Variants in CNTNAP2 observed in about 807,000 individuals in gnomAD.
CNTNAP2 encodes the protein contactin-associated protein-like 2.
In CNTNAP2, 98 loss-of-function variants were observed where a neutral mutation model predicts 155.2. That is an observed-to-expected ratio of 0.63 (90% CI 0.54 to 0.75). The LOEUF is 0.75. Ranked by LOEUF, CNTNAP2 falls within the 30% of genes least tolerant of loss-of-function variation. The probability of loss-of-function intolerance (pLI) is 0.00; values close to 1 mark genes in which losing one functional copy is unlikely to be tolerated. For missense variants in CNTNAP2, 1,727 were observed against 1,688.1 expected (o/e 1.02, Z -0.40); for synonymous variants, 651 against 631.2 (o/e 1.03, Z -0.47).
intron 11 of CNTNAP2, among the ~76,000 whole-genome samples, chr7:147,539,786 G>A (rs1209779269): frequency 1.3e-5 from 2 of 152,178 alleles, no homozygotes; most frequent in East Asian, 1.9e-4. Flanking sequence ...GAATTTTAGA[G>A]CTGGAAGCAT....
intron 1 of CNTNAP2, among the ~76,000 whole-genome samples, chr7:146,587,673 C>A (rs1420412897): frequency 6.6e-6 from 1 of 151,180 alleles, no homozygotes; most frequent in Admixed American, 6.6e-5. Context: ...GATTAATTTT[C>A]TTTTTCATTT....
intron 8 of CNTNAP2, among the ~76,000 whole-genome samples, chr7:147,166,755 G>T (rs1262144695): frequency 2.6e-5 from 4 of 151,912 alleles, no homozygotes; most frequent in Non-Finnish European, 5.9e-5. Context: ...GCAGAGTGGG[G>T]GTCACAAGGT....
At chr7:147,829,400 A>G (rs892609877) in intron 13 of CNTNAP2, among the ~76,000 whole-genome samples, 5 of 152,334 alleles carry the variant, frequency 3.3e-5, no homozygotes, top group Admixed American at 2.6e-4. Context: ...TTAAGTGTCA[A>G]TAAGACAGAT....
intron 4 of CNTNAP2, among the ~76,000 whole-genome samples, chr7:147,052,897 T>TA (rs111448969): frequency 3.9e-4 from 59 of 152,030 alleles, no homozygotes; most frequent in Admixed American, 9.8e-4. Flanking sequence ...TTATTAGATT[T>TA]AAAAAAAATA....
In CNTNAP2 at chr7:146,565,508, A is replaced by G. The variant is rs763085776; in HGVS notation, c.98-208763A>G. ...CCACAGTTTCAGAGATAATAAATAT[A>G]TGGGGGTAAGGAACTCACATTGCTA... On this transcript the variant is annotated intron_variant, in intron 1 of 23. Coordinates refer to ENST00000361727, the MANE Select transcript of CNTNAP2 (RefSeq NM_014141.6). Among the ~76,000 whole-genome samples, 151 of 152,108 alleles carry G rather than the reference A, an allele frequency of 9.9e-4. 4 individuals carry two copies. The highest frequency in any genetic ancestry group is 3.2e-4 in the Non-Finnish European group (22 of 68,010).
At chr7:146,428,535 T>C (rs1796126372) in intron 1 of CNTNAP2, among the ~76,000 whole-genome samples, 1 of 152,286 alleles carries the variant, frequency 6.6e-6, no homozygotes, top group Non-Finnish European at 1.5e-5. Context: ...TGTTGGCATA[T>C]GTATGTCTTC....
At chr7:147,359,024 A>T (rs1056337283) in intron 9 of CNTNAP2, among the ~76,000 whole-genome samples, 1 of 152,182 alleles carries the variant, frequency 6.6e-6, no homozygotes, top group Non-Finnish European at 1.5e-5. Flanking sequence ...TATACCTGGC[A>T]CACTTCATTT....
intron 8 of CNTNAP2, among the ~76,000 whole-genome samples, chr7:147,155,325 T>G (rs1584760417): frequency 2.0e-5 from 3 of 152,144 alleles, no homozygotes; most frequent in African/African-American, 7.2e-5. Flanking sequence ...TTCTCAACCT[T>G]CCTAACTGTG....
intron 1 of CNTNAP2, among the ~76,000 whole-genome samples, chr7:146,354,615 A>G (rs974012745): frequency 7.9e-5 from 12 of 151,936 alleles, no homozygotes; most frequent in African/African-American, 2.7e-4. Flanking sequence ...GGGCTTCACA[A>G]TGTTGGCCAG....
intron 11 of CNTNAP2, among the ~76,000 whole-genome samples, chr7:147,523,472 A>G (rs1325296195): frequency 6.6e-6 from 1 of 152,230 alleles, no homozygotes; most frequent in Non-Finnish European, 1.5e-5. Context: ...AAAGGCATGA[A>G]TACCAGGAGT....
intron 4 of CNTNAP2, among the ~76,000 whole-genome samples, chr7:147,072,650 G>A: frequency 6.6e-6 from 1 of 152,000 alleles, no homozygotes; most frequent in East Asian, 1.9e-4. Flanking sequence ...GGTTACATGT[G>A]GGCTGTGGTG....
intron 1 of CNTNAP2, among the ~76,000 whole-genome samples, chr7:146,717,703 T>C (rs1312873317): frequency 6.6e-6 from 1 of 152,060 alleles, no homozygotes; most frequent in Non-Finnish European, 1.5e-5. Context: ...TTTTATTCAT[T>C]GAGTAGTGAT....
At chr7:146,316,650 A>C (rs961863341) in intron 1 of CNTNAP2, among the ~76,000 whole-genome samples, 13 of 152,344 alleles carry the variant, frequency 8.5e-5, no homozygotes, top group African/African-American at 3.1e-4. Flanking sequence ...GGTGGAACAT[A>C]CTTAACATAC....
intron 3 of CNTNAP2, among the ~76,000 whole-genome samples, chr7:146,999,887 T>C (rs536763704): frequency 5.1e-4 from 78 of 152,142 alleles, no homozygotes; most frequent in African/African-American, 1.7e-3. Context: ...TGAAGACTTT[T>C]TACCTTCCTG....
At chr7:147,438,325 A>G (rs1797585163) in intron 10 of CNTNAP2, among the ~76,000 whole-genome samples, 1 of 152,064 alleles carries the variant, frequency 6.6e-6, no homozygotes, top group Non-Finnish European at 1.5e-5. Flanking sequence ...CATAAAAGGA[A>G]TGCTGAATTG....
intron 15 of CNTNAP2, among the ~76,000 whole-genome samples, chr7:148,066,567 G>A (rs1217672507): frequency 2.6e-5 from 4 of 151,196 alleles, no homozygotes; most frequent in Non-Finnish European, 4.4e-5. Flanking sequence ...GTGCTATCTC[G>A]GCTCACTGCA....
At chr7:147,856,611 A>G (rs531635463) in intron 13 of CNTNAP2, among the ~76,000 whole-genome samples, 40 of 147,458 alleles carry the variant, frequency 2.7e-4, no homozygotes, top group Middle Eastern at 3.5e-3. Context: ...TGCCGTAATT[A>G]TGTTAGAATT....
chr7:147,912,756 G>A (rs938425449), intron 14 of CNTNAP2, among the ~76,000 whole-genome samples: 7 of 152,132 alleles, frequency 4.6e-5, no homozygotes, highest in Admixed American at 6.5e-5. Context: ...CCCAGAGGAA[G>A]AAGAAGTTCT....
At chr7:146,385,709 T>A (rs539101517) in intron 1 of CNTNAP2, among the ~76,000 whole-genome samples, 1 of 152,302 alleles carries the variant, frequency 6.6e-6, no homozygotes, top group East Asian at 1.9e-4. Flanking sequence ...TACTGATCCC[T>A]TGGGGTTTCA....
Sources: allele counts gnomAD v4.1 joint callset (sites outside exome capture counted in the v4.1 genomes callset), GRCh38; gene constraint gnomAD v4.1.1; transcripts MANE v1.5; gene names NCBI Gene and HGNC (gene_info 2026-07-23, HGNC 2026-07-21).